Variants in MAF observed in about 807,000 individuals in gnomAD.
The protein encoded by MAF is transcription factor Maf.
Under a neutral mutation model 22.0 loss-of-function variants are expected in MAF, and 10 were observed. That is an observed-to-expected ratio of 0.45 (90% confidence interval 0.28 to 0.77). The LOEUF is 0.77. Ranked by LOEUF, MAF falls within the 30% of genes least tolerant of loss-of-function variation. The pLI, the probability that MAF is intolerant of heterozygous loss-of-function variation, is 0.12. For synonymous variants in MAF, 337 were observed against 255.8 expected (o/e 1.32, Z -3.03); for missense variants, 544 against 548.4 (o/e 0.99, Z 0.08).
At chr16:79,255,783 G>T in the MAF span, among the ~76,000 whole-genome samples, 1 of 152,044 alleles carries the variant, frequency 6.6e-6, no homozygotes, top group East Asian at 1.9e-4. Context: ...CAATTCCCTT[G>T]ATTAACTTAA....
the MAF span, among the ~76,000 whole-genome samples, chr16:79,398,265 A>G: frequency 2.6e-5 from 4 of 152,210 alleles, no homozygotes; most frequent in Non-Finnish European, 4.4e-5. Context: ...GTCCAGCAAG[A>G]TAATCCAGGA....
At chr16:79,360,743 G>T in the MAF span, among the ~76,000 whole-genome samples, 1 of 152,154 alleles carries the variant, frequency 6.6e-6, no homozygotes, top group Non-Finnish European at 1.5e-5. Context: ...ATCATTTTCA[G>T]AGAAGCGGCA....
the MAF span, among the ~76,000 whole-genome samples, chr16:79,437,375 G>C: frequency 6.6e-6 from 1 of 152,082 alleles, no homozygotes; most frequent in African/African-American, 2.4e-5. Context: ...AGAACCCCAG[G>C]CTGCACAACC....
the MAF span, among the ~76,000 whole-genome samples, chr16:79,525,744 A>G: frequency 4.6e-5 from 7 of 152,172 alleles, no homozygotes; most frequent in African/African-American, 1.4e-4. Flanking sequence ...TATATCTACA[A>G]ATGGCATTCT....
chr16:79,205,014 C>T, the MAF span: 1 of 152,180 alleles, frequency 6.6e-6, no homozygotes, highest in African/African-American at 2.4e-5. Context: ...TTGTATGACA[C>T]TTCCTTCTAG....
intron 1 of MAF, chr16:79,598,092 A>G (rs1475614589): frequency 9.6e-7 from 1 of 1,043,192 alleles, no homozygotes; most frequent in Admixed American, 5.6e-5. Flanking sequence ...CAAGTCTATA[A>G]CATTTCACAT....
chr16:79,309,777 G>A, the MAF span, among the ~76,000 whole-genome samples: 1 of 152,172 alleles, frequency 6.6e-6, no homozygotes, highest in Non-Finnish European at 1.5e-5. Context: ...GATGCAGATG[G>A]CTCCCCTTAA....
the MAF span, among the ~76,000 whole-genome samples, chr16:79,482,045 AGGGGT>A: frequency 6.6e-6 from 1 of 152,150 alleles, no homozygotes; most frequent in African/African-American, 2.4e-5. Context: ...TGAGGCCTGC[AGGGGT>A]TCGGGGGCAG....
intron 1 of MAF, chr16:79,594,936 C>T (rs1204114427): frequency 1.8e-6 from 2 of 1,124,960 alleles, no homozygotes; most frequent in East Asian, 8.7e-5. Context: ...ATGCTTAATT[C>T]TACACAACTA....
At chr16:79,469,822 C>A in the MAF span, among the ~76,000 whole-genome samples, 9 of 152,214 alleles carry the variant, frequency 5.9e-5, no homozygotes, top group South Asian at 1.9e-3. Flanking sequence ...GTCTCGAACT[C>A]CTGACCTCGT....
the MAF span, among the ~76,000 whole-genome samples, chr16:79,449,227 C>A: frequency 2.0e-5 from 3 of 152,198 alleles, no homozygotes; most frequent in African/African-American, 7.2e-5. Context: ...GCTGTAAATA[C>A]ACATGAAGCT....
At chr16:79,311,599 G>A in the MAF span, among the ~76,000 whole-genome samples, 120 of 152,098 alleles carry the variant, frequency 7.9e-4, no homozygotes, top group African/African-American at 2.7e-3. Flanking sequence ...CAGCTGGAAA[G>A]AGAGGCAGGC....
the MAF span, among the ~76,000 whole-genome samples, chr16:79,211,032 G>GGTGTGTGTGT: frequency 6.6e-5 from 2 of 30,458 alleles, no homozygotes; most frequent in Admixed American, 7.3e-4. Flanking sequence ...TGTATGGTGA[G>GGTGTGTGTGT]GAGTGTGTGT....
chr16:79,219,571 A>G, the MAF span, among the ~76,000 whole-genome samples: 52 of 150,048 alleles, frequency 3.5e-4, 1 homozygote, highest in East Asian at 9.6e-3. Flanking sequence ...AAAAAAAAAA[A>G]AAAAAGACTC....
chr16:79,334,644 A>G, the MAF span, among the ~76,000 whole-genome samples: 3 of 152,308 alleles, frequency 2.0e-5, no homozygotes, highest in South Asian at 6.2e-4. Context: ...AGAGCATTCA[A>G]TGAAAAGCAG....
the MAF span, among the ~76,000 whole-genome samples, chr16:79,281,401 G>T: frequency 2.0e-5 from 3 of 152,238 alleles, no homozygotes; most frequent in African/African-American, 7.2e-5. Flanking sequence ...ATAAAAAAGA[G>T]AGCCATAGGG....
At chr16:79,358,088 G>A in the MAF span, among the ~76,000 whole-genome samples, 6 of 152,224 alleles carry the variant, frequency 3.9e-5, no homozygotes, top group Non-Finnish European at 8.8e-5. Flanking sequence ...GCTGTTCCCA[G>A]GCACAGTCAC....
the MAF span, among the ~76,000 whole-genome samples, chr16:79,280,115 G>C: frequency 7.2e-5 from 11 of 152,200 alleles, no homozygotes; most frequent in African/African-American, 2.4e-4. Flanking sequence ...CTATTAACCA[G>C]AAGTGATTTT....
At chr16:79,206,818 A>G in the MAF span, 4 of 151,560 alleles carry the variant, frequency 2.6e-5, no homozygotes, top group Admixed American at 6.6e-5. Context: ...AGGGAGGCCT[A>G]TGAGCCTCAT....
Sources: allele counts gnomAD v4.1 joint callset (sites outside exome capture counted in the v4.1 genomes callset), GRCh38; gene constraint gnomAD v4.1.1; transcripts MANE v1.5; gene names NCBI Gene and HGNC (gene_info 2026-07-23, HGNC 2026-07-21).